ZC3H7B: variants seen among roughly 807,000 people sequenced by gnomAD.
ZC3H7B encodes zinc finger CCCH-type containing 7B.
ZC3H7B carries 35 observed loss-of-function variants against 116.0 expected under a neutral mutation model. The ratio of observed to expected loss-of-function variants is 0.30; its 90% CI spans 0.23 to 0.40. ZC3H7B has a LOEUF of 0.40. Among genes scored for constraint, ZC3H7B ranks in the 10% least tolerant of loss-of-function variants. ZC3H7B has a pLI of 1.00. For synonymous variants in ZC3H7B, 502 were observed against 545.6 expected (o/e 0.92, Z 1.11); for missense variants, 1,011 against 1,321.5 (o/e 0.77, Z 3.64).
Position 41,327,369 on chromosome 22 carries a change from G to T in ZC3H7B, c.444+5G>T. On this transcript the variant is annotated splice_donor_5th_base_variant and intron_variant, in intron 5 of 22. Transcript: ENST00000352645. The surrounding 1 kb of genome is among the most constrained non-coding windows in gnomAD (Gnocchi z 4.5). ...TGTTCCCTCGCCCTGCCCCACGTGA[G>T]TGTGGCTCTGCAGCCACGCCGGTGC... 2 of 1,609,140 alleles carry T rather than the reference G, an allele frequency of 1.2e-6. No individual in the cohort carries two copies. The highest frequency in any genetic ancestry group is 1.7e-6 in the Non-Finnish European group (2 of 1,179,896).
chr22:41,343,627 A>G (rs752076239), intron 13 of ZC3H7B, 51 bp downstream of exon 13: 1 of 1,504,230 alleles, frequency 6.6e-7, no homozygotes, highest in East Asian at 2.4e-5. Context: ...CAGCCCCTCC[A>G]CCCCCAGCCG....
At chr22:41,317,677 AGGAGGCTGAGGGG>A (rs1281012351) in intron 1 of ZC3H7B, among the ~76,000 whole-genome samples, 2 of 152,124 alleles carry the variant, frequency 1.3e-5, no homozygotes, top group Non-Finnish European at 2.9e-5. Flanking sequence ...CCAGCTACTC[AGGAGGCTGAGGGG>A]GGAAGATCAG....
chr22:41,357,263 G>A lies in ZC3H7B; in HGVS notation c.2768G>A (p.Arg923His), dbSNP rs778403107. 2 of 1,613,750 alleles carry A rather than the reference G, an allele frequency of 1.2e-6. No homozygotes were observed. The highest frequency in any genetic ancestry group is 1.7e-6 in the Non-Finnish European group (2 of 1,179,986). The change falls in exon 23 of 23, where the codon CGC becomes CAC. Residue 923 changes from arginine (R) to histidine (H), a missense_variant. Arg to His is a conservative substitution (Grantham distance 29, BLOSUM62 0). This residue lies in a region of ZC3H7B where 406 missense variants were observed against 590.2 expected (regional missense o/e 0.69). Coordinates refer to ENST00000352645, the MANE Select transcript of ZC3H7B (RefSeq NM_017590.6). The surrounding 1 kb of genome is among the most constrained non-coding windows in gnomAD (Gnocchi z 5.4). The stretch of plus-strand genomic sequence containing the variant: ...GAGCTCAACGAGTGGCTGGACCGGC[G>A]CGAGGTGCTGAAGCAGAAGTTGGCC... The part of the protein sequence containing the change: ...QEELNEWLDR[R>H]EVLKQKLAKA...
chr22:41,357,551 G>C lies in ZC3H7B; in HGVS notation c.*122G>C, dbSNP rs2145946712. The C allele has an allele frequency of 2.0e-6, 2 of 994,444 alleles. No homozygotes were observed. Among genetic ancestry groups the C allele is most frequent in the East Asian group, 6.1e-5 (2 of 32,854 alleles). The allele number at this position is 994,444 out of a possible 1,614,324, so 61.6% of individuals were successfully genotyped here. The stretch of plus-strand genomic sequence containing the variant: ...GGCCGCCCTCATCAGGCAGCCCCCA[G>C]CCCCCTGAGGCCCTGTCCATCTTCT... On this transcript the variant is annotated 3_prime_UTR_variant, in exon 23 of 23. Coordinates refer to ENST00000352645, the MANE Select transcript of ZC3H7B (RefSeq NM_017590.6). The surrounding 1 kb of genome is among the most constrained non-coding windows in gnomAD (Gnocchi z 5.4).
chr22:41,316,626 TCTCA>T (rs1388557152), intron 1 of ZC3H7B, among the ~76,000 whole-genome samples: 1 of 105,290 alleles, frequency 9.5e-6, no homozygotes. Context: ...TGAGACAGGG[TCTCA>T]CTCTGTTGCC....
chr22:41,343,594 G>A lies in ZC3H7B; in HGVS notation c.1459+18G>A. The A allele has an allele frequency of 1.3e-6, 2 of 1,579,116 alleles. No individual in the cohort carries two copies. The highest frequency in any genetic ancestry group is 1.7e-6 in the Non-Finnish European group (2 of 1,158,628). On this transcript the variant is annotated intron_variant, in intron 13 of 22. Coordinates refer to ENST00000352645, the MANE Select transcript of ZC3H7B (RefSeq NM_017590.6). ...GTGCAAAGGTGGGTGGGCTGCAGCG[G>A]GGCAGGCAGCACAGCTGGGGCCCAG...
rs1463221600 is a variant in ZC3H7B, at chr22:41,338,553, T to C, written c.625+198T>C. ...CAAGGAGGGGAGGGCATCTCTAGTCTGGCAGAGAGGGGTGCTGCCTCTTAG... is the reference window on the plus strand; with the variant it reads ...CAAGGAGGGGAGGGCATCTCTAGTCCGGCAGAGAGGGGTGCTGCCTCTTAG... On this transcript the variant is annotated intron_variant, in intron 8 of 22. Transcript: ENST00000352645. This position sits in a 1 kb window ranked among gnomAD's most constrained non-coding sequence, Gnocchi z 4.5. Among the ~76,000 whole-genome samples the C allele has an allele frequency of 6.6e-6, 1 of 152,080 alleles. No individual in the cohort carries two copies. The highest frequency in any genetic ancestry group is 2.4e-5 in the African/African-American group (1 of 41,424).
At chr22:41,339,754 T>G in intron 9 of ZC3H7B, 62 bp from the exon 10 acceptor site, 2 of 1,463,940 alleles carry the variant, frequency 1.4e-6, no homozygotes, top group Non-Finnish European at 1.8e-6. Flanking sequence ...CAAGTCCTGA[T>G]GCTGCCCAGG....
intron 9 of ZC3H7B, 87 bp from the exon 10 acceptor site, chr22:41,339,729 G>A: frequency 7.7e-7 from 1 of 1,304,074 alleles, no homozygotes. Context: ...CAGGGTGCAG[G>A]TCTCCTTGCT....
At chr22:41,356,508 C>T (rs367668281) in intron 21 of ZC3H7B, 32 bp downstream of exon 21, 33 of 1,613,006 alleles carry the variant, frequency 2.0e-5, no homozygotes, top group East Asian at 4.5e-5. Flanking sequence ...CTCGGGGCTG[C>T]GGTCGGGGCT....
chr22:41,323,995 G>A (rs1054090045), intron 2 of ZC3H7B, among the ~76,000 whole-genome samples: 7 of 152,108 alleles, frequency 4.6e-5, no homozygotes, highest in African/African-American at 1.2e-4. Flanking sequence ...GCGTGAACCC[G>A]GGAGGTGGAG....
chr22:41,308,954 A>G (rs1054786865), intron 1 of ZC3H7B, among the ~76,000 whole-genome samples: 1 of 148,422 alleles, frequency 6.7e-6, no homozygotes, highest in Non-Finnish European at 1.5e-5. Flanking sequence ...CTGGCTACCT[A>G]TCTCTCTTAA....
Position 41,357,157 on chromosome 22 carries a change from G to A in ZC3H7B, c.2682-20G>A, listed in dbSNP as rs1244190684. 3 of 1,610,194 alleles carry A rather than the reference G, an allele frequency of 1.9e-6. No individual in the cohort carries two copies. The highest frequency in any genetic ancestry group is 2.2e-5 in the South Asian group (2 of 90,988). ...GGGAAGGGCACAGAGCTCGGGCAGT[G>A]AGCCTCCTGCCACCCACAGGCTCCA... On this transcript the variant is annotated intron_variant, in intron 22 of 22. Coordinates refer to ENST00000352645, the MANE Select transcript of ZC3H7B (RefSeq NM_017590.6). The surrounding 1 kb of genome is among the most constrained non-coding windows in gnomAD (Gnocchi z 5.4).
intron 9 of ZC3H7B, 99 bp from the exon 10 acceptor site, chr22:41,339,717 G>T: frequency 8.6e-7 from 1 of 1,161,148 alleles, no homozygotes; most frequent in South Asian, 1.5e-5. Context: ...GAAGCCAGGC[G>T]ACAGGGTGCA....
chr22:41,328,744 T>C (rs2036346454), intron 5 of ZC3H7B, among the ~76,000 whole-genome samples: 1 of 152,188 alleles, frequency 6.6e-6, no homozygotes, highest in Non-Finnish European at 1.5e-5. Flanking sequence ...GTCCAGGCAC[T>C]GTTACAAGCT....
chr22:41,354,639 G>A (rs2036690402), intron 17 of ZC3H7B, among the ~76,000 whole-genome samples: 1 of 152,158 alleles, frequency 6.6e-6, no homozygotes, highest in South Asian at 2.1e-4. Context: ...GGGGACAGCT[G>A]GTGCATTCAC....
intron 9 of ZC3H7B, 91 bp downstream of exon 9, chr22:41,339,282 C>T (rs1299994953): frequency 2.1e-6 from 3 of 1,448,762 alleles, no homozygotes; most frequent in African/African-American, 1.4e-5. Context: ...CCCCAATGCT[C>T]ATGTCATGTG....
intron 20 of ZC3H7B, 131 bp downstream of exon 20, chr22:41,356,193 T>TGCCGGGCCCTCTCTGAG: frequency 6.8e-7 from 1 of 1,473,458 alleles, no homozygotes; most frequent in Non-Finnish European, 9.1e-7. Context: ...ACCTGCCCCA[T>TGCCGGGCCCTCTCTGAG]GCCGGGCCCT....
In ZC3H7B at chr22:41,340,063, C is replaced by T. The variant is rs767664599; in HGVS notation, c.1064C>T (p.Ser355Leu). The T allele has an allele frequency of 7.4e-6, 12 of 1,611,892 alleles. No individual in the cohort carries two copies. The highest frequency in any genetic ancestry group is 1.3e-5 in the African/African-American group (1 of 74,920). The part of the protein sequence containing the change: ...TLDPLDLLPY[S>L]ETRLDALDSF... ...GACCCCCTGGACCTGCTGCCGTACTCGGAGACCCGGCTGGATGCACTCGAC... is the reference window on the plus strand; with the variant it reads ...GACCCCCTGGACCTGCTGCCGTACTTGGAGACCCGGCTGGATGCACTCGAC... The change falls in exon 10 of 23, where the codon TCG (serine) becomes TTG (leucine). Residue 355 changes from serine (S) to leucine (L), a missense_variant. Physicochemically the swap from Ser to Leu is moderately radical, Grantham distance 145 (BLOSUM62 -2). Coordinates refer to ENST00000352645, the MANE Select transcript of ZC3H7B (RefSeq NM_017590.6).
Sources: allele counts gnomAD v4.1 joint callset (sites outside exome capture counted in the v4.1 genomes callset), GRCh38; gene constraint gnomAD v4.1.1; regional missense constraint gnomAD v4.1.1; non-coding constraint Gnocchi (gnomAD v3.1); transcripts MANE v1.5; gene names NCBI Gene and HGNC (gene_info 2026-07-23, HGNC 2026-07-21).